Variants in ULK4 observed in about 807,000 individuals in gnomAD.
ULK4 encodes inactive serine/threonine-protein kinase ULK4.
Under a neutral mutation model 160.6 loss-of-function variants are expected in ULK4, and 133 were observed. The ratio of observed to expected loss-of-function variants is 0.83; its 90% CI spans 0.72 to 0.96. The LOEUF (loss-of-function observed/expected upper bound fraction) is 0.96, where lower values mean the gene tolerates loss of function less well. Ranked by LOEUF, ULK4 falls within the 40% of genes least tolerant of loss-of-function variation. The pLI is 0.00. For missense variants in ULK4, 1,580 were observed against 1,499.5 expected, an observed-to-expected ratio of 1.05 and a Z score of -0.89; for synonymous variants, 534 against 539.8, an observed-to-expected ratio of 0.99 and a Z score of 0.15.
chr3:41,688,418 G>T (rs2036170496), intron 27 of ULK4, among the ~76,000 whole-genome samples: 2 of 152,072 alleles, frequency 1.3e-5, no homozygotes, highest in Admixed American at 6.6e-5. Context: ...CAAATAGATG[G>T]TTTATCAAAG....
At chr3:41,310,475 A>G (rs997260285) in intron 35 of ULK4, among the ~76,000 whole-genome samples, 1 of 152,186 alleles carries the variant, frequency 6.6e-6, no homozygotes, top group African/African-American at 2.4e-5. Flanking sequence ...GGTGTGGGGA[A>G]AATCAGAAAA....
At chr3:41,267,423 T>C (rs12330284) in intron 35 of ULK4, among the ~76,000 whole-genome samples, 33,334 of 151,986 alleles carry the variant, frequency 0.22, 5,404 homozygotes, top group African/African-American at 0.46. Flanking sequence ...TTGGTGGGCA[T>C]TTGGGTTGGT....
chr3:41,858,143 G>GTTTTTTTTTT (rs1196253451), intron 17 of ULK4, among the ~76,000 whole-genome samples: 5 of 74,816 alleles, frequency 6.7e-5, no homozygotes, highest in East Asian at 9.5e-4. Flanking sequence ...GGTTTTTTTT[G>GTTTTTTTTTT]TTTGTTTTTT....
intron 33 of ULK4, among the ~76,000 whole-genome samples, chr3:41,459,854 C>T (rs973925492): frequency 2.6e-5 from 4 of 152,130 alleles, no homozygotes; most frequent in Non-Finnish European, 1.5e-5. Flanking sequence ...GAAAGGTACC[C>T]TGGGGCTCGA....
intron 35 of ULK4, among the ~76,000 whole-genome samples, chr3:41,265,105 G>A (rs1221359275): frequency 6.6e-6 from 1 of 152,236 alleles, no homozygotes; most frequent in African/African-American, 2.4e-5. Flanking sequence ...CAGGCCTGGA[G>A]AGTGGAGGCT....
rs759940178 is a variant in ULK4, at chr3:41,463,123, C to T, written c.3357G>A (p.Leu1119=). 3.1e-6 allele frequency: 5 copies of T among 1,613,600 alleles called. No individual in the cohort carries two copies. The highest frequency in any genetic ancestry group is 4.2e-6 in the Non-Finnish European group (5 of 1,179,756). The change falls in exon 33 of 37, where the codon CTG becomes CTA. Residue 1119 remains leucine, a synonymous_variant. Coordinates refer to ENST00000301831, the MANE Select transcript of ULK4 (RefSeq NM_017886.4). The part of the protein sequence containing the change: ...FSLLDILHSM[L]TYTSGIVRLA... ...GCCGTACAATACCGGAGGTATAGGTCAGCATGCTGTGCAAAATATCAAGCA... is the reference window on the plus strand; with the variant it reads ...GCCGTACAATACCGGAGGTATAGGTTAGCATGCTGTGCAAAATATCAAGCA...
intron 2 of ULK4, among the ~76,000 whole-genome samples, chr3:41,951,250 A>G (rs1265668984): frequency 6.6e-6 from 1 of 151,854 alleles, no homozygotes; most frequent in African/African-American, 2.4e-5. Context: ...TTCAAATACT[A>G]CCCAAAATCA....
rs546712505 is a variant in ULK4 at position 41,906,925 on chromosome 3, G to A, written c.1182+920C>T. On this transcript the variant is annotated intron_variant, in intron 12 of 36. Coordinates refer to ENST00000301831, the MANE Select transcript of ULK4 (RefSeq NM_017886.4). ...GGAGAATTGCTTGAATCCGGTAGGC[G>A]GAGGTTACAGTGAGCCAAGATCGCG... Among the ~76,000 whole-genome samples the A allele has an allele frequency of 1.6e-3, 248 of 152,156 alleles. 2 individuals carry two copies. The highest frequency in any genetic ancestry group is 2.0e-3 in the Admixed American group (30 of 15,290).
intron 35 of ULK4, among the ~76,000 whole-genome samples, chr3:41,298,043 C>T (rs899039542): frequency 2.0e-5 from 3 of 152,186 alleles, no homozygotes; most frequent in African/African-American, 4.8e-5. Context: ...CATCACCACT[C>T]AGGGTATTCC....
intron 29 of ULK4, among the ~76,000 whole-genome samples, chr3:41,680,448 C>T (rs1330932259): frequency 6.6e-6 from 1 of 152,064 alleles, no homozygotes. Context: ...GCCAAAGGGT[C>T]GACACAGAAC....
At chr3:41,806,198 C>T (rs1226409221) in intron 19 of ULK4, among the ~76,000 whole-genome samples, 1 of 148,394 alleles carries the variant, frequency 6.7e-6, no homozygotes, top group Admixed American at 6.7e-5. Context: ...CAACTTCTTC[C>T]TGGTTTAGTC....
rs1194867749 is a variant in ULK4 at position 41,686,803 on chromosome 3, T to C, written c.2782-4999A>G. Reference sequence around the variant, plus strand: ...AGGAGCTCTTGGAAACACAGTTAAGTATGACTACCTGGGCCCAGCATCAGG... The same window carrying C: ...AGGAGCTCTTGGAAACACAGTTAAGCATGACTACCTGGGCCCAGCATCAGG... On this transcript the variant is annotated intron_variant, in intron 27 of 36. Coordinates refer to ENST00000301831, the MANE Select transcript of ULK4 (RefSeq NM_017886.4). 2.0e-5 allele frequency among the ~76,000 whole-genome samples: 3 copies of C among 152,190 alleles called. No homozygotes were observed. The East Asian group carries it at 5.8e-4, about 29-fold the overall frequency.
chr3:41,867,977 G>A (rs1005365415), intron 17 of ULK4, among the ~76,000 whole-genome samples: 1 of 152,104 alleles, frequency 6.6e-6, no homozygotes, highest in African/African-American at 2.4e-5. Context: ...ATCATGGTCA[G>A]AGAACATATT....
At chr3:41,936,163 C>T (rs1699770720) in intron 3 of ULK4, among the ~76,000 whole-genome samples, 2 of 152,140 alleles carry the variant, frequency 1.3e-5, no homozygotes, top group South Asian at 4.1e-4. Flanking sequence ...TGCCTGCTCC[C>T]TATGGATGAA....
intron 35 of ULK4, among the ~76,000 whole-genome samples, chr3:41,275,111 T>TG (rs1359469721): frequency 6.6e-6 from 1 of 152,152 alleles, no homozygotes; most frequent in Non-Finnish European, 1.5e-5. Flanking sequence ...CAGCCTGTGG[T>TG]GCTTGGGAAA....
At chr3:41,476,061 G>GGGAGGGAGGGAAAGGA (rs2084133396) in intron 32 of ULK4, among the ~76,000 whole-genome samples, 1 of 146,036 alleles carries the variant, frequency 6.8e-6, no homozygotes, top group African/African-American at 2.6e-5. Flanking sequence ...AAGGAAGGGA[G>GGGAGGGAGGGAAAGGA]GGAGGGAGGG....
chr3:41,890,070 G>A (rs1697863806), intron 16 of ULK4, among the ~76,000 whole-genome samples: 1 of 152,248 alleles, frequency 6.6e-6, no homozygotes, highest in Non-Finnish European at 1.5e-5. Context: ...CCAACAGGAA[G>A]TAGATGAGTG....
At chr3:41,646,892 CT>C (rs1278936764) in intron 30 of ULK4, among the ~76,000 whole-genome samples, 9 of 152,180 alleles carry the variant, frequency 5.9e-5, no homozygotes, top group African/African-American at 2.2e-4. Context: ...TTGTTCATTT[CT>C]TTTTATTCAT....
rs374871120 is a variant in ULK4, at chr3:41,762,729, A to C, written c.2194-8241T>G. Among the ~76,000 whole-genome samples, 356 of 139,736 alleles carry C rather than the reference A, an allele frequency of 2.5e-3. 3 individuals are homozygous for C. The highest frequency in any genetic ancestry group is 9.0e-3 in the African/African-American group (329 of 36,664). 91.7% of individuals were successfully genotyped at this position (139,736 alleles called of 152,430 possible). ...CCAGGCTGGAGTGCAGTGGCATGAT[A>C]TCGGCTCACTGCAAGCTCCGCCTCC... On this transcript the variant is annotated intron_variant, in intron 21 of 36. Coordinates refer to ENST00000301831, the MANE Select transcript of ULK4 (RefSeq NM_017886.4).
Sources: allele counts gnomAD v4.1 joint callset (sites outside exome capture counted in the v4.1 genomes callset), GRCh38; gene constraint gnomAD v4.1.1; transcripts MANE v1.5; gene names NCBI Gene and HGNC (gene_info 2026-07-23, HGNC 2026-07-21).